The following SGCD variants were observed in gnomAD, a reference collection of about 807,000 sequenced individuals.
SGCD encodes sarcoglycan delta.
In SGCD, 18 loss-of-function variants were observed where a neutral mutation model predicts 36.6. The observed-to-expected ratio is 0.49, with a 90% CI of 0.34 to 0.73. The LOEUF is 0.73. Among genes scored for constraint, SGCD ranks in the 30% least tolerant of loss-of-function variants. The pLI, the probability that SGCD is intolerant of heterozygous loss-of-function variation, is 0.01. For missense variants in SGCD, 387 were observed against 346.7 expected, an observed-to-expected ratio of 1.12 and a Z score of -0.92; for synonymous variants, 133 against 130.6, an observed-to-expected ratio of 1.02 and a Z score of -0.12.
chr5:156,077,979 AACTTT>A (rs1416415281), intron 1 of SGCD, among the ~76,000 whole-genome samples: 8 of 152,218 alleles, frequency 5.3e-5, no homozygotes, highest in African/African-American at 1.4e-4. Context: ...CTGTCACTTT[AACTTT>A]ACTTTCTTAT....
chr5:156,438,914 C>G (rs1356606104), intron 3 of SGCD, among the ~76,000 whole-genome samples: 2 of 152,210 alleles, frequency 1.3e-5, no homozygotes, highest in South Asian at 4.1e-4. Flanking sequence ...GTCTTTTAAT[C>G]AAACAAACCT....
At chr5:156,162,897 T>G (rs1763117691) in intron 3 of SGCD, among the ~76,000 whole-genome samples, 1 of 151,506 alleles carries the variant, frequency 6.6e-6, no homozygotes, top group Admixed American at 6.6e-5. Context: ...ACACTAACCC[T>G]GGGGGATGAG....
chr5:156,450,838 T>C (rs1296043751), intron 3 of SGCD, among the ~76,000 whole-genome samples: 1 of 152,142 alleles, frequency 6.6e-6, no homozygotes, highest in Non-Finnish European at 1.5e-5. Context: ...CATGTATGCG[T>C]ATATATCATT....
chr5:156,556,768 CT>C (rs1759038239), intron 4 of SGCD, among the ~76,000 whole-genome samples: 1 of 152,122 alleles, frequency 6.6e-6, no homozygotes, highest in Non-Finnish European at 1.5e-5. Context: ...TAAACATTTT[CT>C]TTATTGATGG....
At chr5:156,129,223 A>G (rs1462229544) in intron 3 of SGCD, among the ~76,000 whole-genome samples, 1 of 152,220 alleles carries the variant, frequency 6.6e-6, no homozygotes, top group Non-Finnish European at 1.5e-5. Flanking sequence ...AGGAACTGCC[A>G]TTAATTACAT....
intron 3 of SGCD, among the ~76,000 whole-genome samples, chr5:156,430,319 A>AT (rs777195153): frequency 4.6e-5 from 7 of 151,570 alleles, no homozygotes; most frequent in Non-Finnish European, 4.4e-5. Flanking sequence ...TTTCCACTTT[A>AT]TTTTTTATTT....
chr5:156,068,184 C>T (rs986620997), intron 1 of SGCD, among the ~76,000 whole-genome samples: 1 of 151,104 alleles, frequency 6.6e-6, no homozygotes, highest in Non-Finnish European at 1.5e-5. Flanking sequence ...AGGTTAGTTA[C>T]ATATGTATAC....
At chr5:156,477,049 G>GGAA (rs1755212099) in intron 3 of SGCD, among the ~76,000 whole-genome samples, 1 of 123,006 alleles carries the variant, frequency 8.1e-6, no homozygotes, top group East Asian at 2.3e-4. Context: ...AAGAGAAAAA[G>GGAA]AAAAAAAAAA....
chr5:156,139,188 C>T (rs1442232840), intron 3 of SGCD, among the ~76,000 whole-genome samples: 1 of 152,050 alleles, frequency 6.6e-6, no homozygotes, highest in Non-Finnish European at 1.5e-5. Context: ...TTGATGAAGT[C>T]CAGTTTATTT....
At chr5:156,645,316 T>A (rs1763186812) in intron 6 of SGCD, among the ~76,000 whole-genome samples, 1 of 152,024 alleles carries the variant, frequency 6.6e-6, no homozygotes, top group African/African-American at 2.4e-5. Context: ...AGAGAGAGGA[T>A]GGGATGGGGA....
At chr5:156,173,565 G>A (rs2127623147) in intron 3 of SGCD, among the ~76,000 whole-genome samples, 1 of 152,202 alleles carries the variant, frequency 6.6e-6, no homozygotes, top group East Asian at 1.9e-4. Flanking sequence ...ACACAGTTAA[G>A]TACATAGCAT....
chr5:156,679,257 A>G (rs1753632398), intron 7 of SGCD, among the ~76,000 whole-genome samples: 1 of 152,176 alleles, frequency 6.6e-6, no homozygotes, highest in Non-Finnish European at 1.5e-5. Flanking sequence ...CTGTCAATGT[A>G]TTCAGTTTAA....
At chr5:156,305,661 T>G (rs917445288) in intron 3 of SGCD, among the ~76,000 whole-genome samples, 5 of 152,116 alleles carry the variant, frequency 3.3e-5, no homozygotes, top group African/African-American at 1.2e-4. Flanking sequence ...GACCCCAGAA[T>G]GGTAGATCCA....
At chr5:156,474,083 C>G (rs1755082289) in intron 3 of SGCD, among the ~76,000 whole-genome samples, 1 of 151,752 alleles carries the variant, frequency 6.6e-6, no homozygotes, top group African/African-American at 2.4e-5. Context: ...AGCACTTTGT[C>G]TCCCACAAGA....
At chr5:155,861,696 C>T in the SGCD span, among the ~76,000 whole-genome samples, 1 of 151,862 alleles carries the variant, frequency 6.6e-6, no homozygotes. Context: ...CCAGCCTGGG[C>T]GACAGAGCAA....
At chr5:156,016,754 G>A (rs1399307308) in intron 1 of SGCD, among the ~76,000 whole-genome samples, 2 of 152,010 alleles carry the variant, frequency 1.3e-5, no homozygotes, top group African/African-American at 4.8e-5. Flanking sequence ...TAGTTGCTGG[G>A]TTCCTCATTT....
chr5:156,124,612 A>C (rs1011188199), intron 3 of SGCD, among the ~76,000 whole-genome samples: 1 of 152,214 alleles, frequency 6.6e-6, no homozygotes, highest in African/African-American at 2.4e-5. Flanking sequence ...ATTTGCGTGC[A>C]TATAAATACA....
chr5:156,652,640 G>A (rs1763505914), intron 7 of SGCD, among the ~76,000 whole-genome samples: 1 of 152,138 alleles, frequency 6.6e-6, no homozygotes, highest in Admixed American at 6.6e-5. Flanking sequence ...AGTGATAAAA[G>A]TAGGCATCCT....
intron 1 of SGCD, among the ~76,000 whole-genome samples, chr5:155,901,316 GA>G (rs11396332): frequency 9.3e-4 from 129 of 138,062 alleles, no homozygotes; most frequent in Non-Finnish European, 8.9e-4. Flanking sequence ...CCATCTCAGA[GA>G]AAAAAAAAAA....
Sources: allele counts gnomAD v4.1 joint callset (sites outside exome capture counted in the v4.1 genomes callset), GRCh38; gene constraint gnomAD v4.1.1; transcripts MANE v1.5; gene names NCBI Gene and HGNC (gene_info 2026-07-23, HGNC 2026-07-21).